The following CNOT4 variants were observed in gnomAD, a reference collection of about 807,000 sequenced individuals.
CNOT4 encodes CCR4-NOT transcription complex subunit 4.
CNOT4 carries 8 observed loss-of-function variants against 73.8 expected under a neutral mutation model. The ratio of observed to expected loss-of-function variants is 0.11; its 90% confidence interval spans 0.06 to 0.20. The LOEUF is 0.20. CNOT4 is among the 10% of genes least tolerant of loss of function. CNOT4 has a pLI of 1.00. For missense variants in CNOT4, 564 were observed against 883.4 expected (o/e 0.64, Z 4.58); for synonymous variants, 293 against 321.1 (o/e 0.91, Z 0.94).
At chr7:135,379,843 A>T (rs1017515215) in intron 10 of CNOT4, among the ~76,000 whole-genome samples, 1 of 152,228 alleles carries the variant, frequency 6.6e-6, no homozygotes, top group Admixed American at 6.5e-5. Flanking sequence ...GCCAACATAT[A>T]ACACGACAAT....
At position 135,439,482 on chromosome 7, in the gene CNOT4, T is replaced by C. The variant is rs556813501; in HGVS notation, c.-92-1059A>G. ...GCAAAGAAACTAAAGAATCTAGATA[T>C]AGCTGGGTACAGCAGCTCATGACTG... On this transcript the variant is annotated intron_variant, in intron 1 of 11. Coordinates refer to ENST00000541284, the MANE Select transcript of CNOT4 (RefSeq NM_001190850.2). Among the ~76,000 whole-genome samples, 5 of 152,312 alleles carry C rather than the reference T, an allele frequency of 3.3e-5. No individual in the cohort carries two copies. The South Asian group carries it at 8.3e-4, about 25-fold the overall frequency.
In CNOT4 at chr7:135,480,888, C is replaced by CAAA. The variant is rs202103531; in HGVS notation, c.-93+28998_-93+29000dup. Among the ~76,000 whole-genome samples, 148 of 75,816 alleles carry CAAA rather than the reference C, an allele frequency of 2.0e-3. 2 individuals carry two copies. Among genetic ancestry groups the CAAA allele is most frequent in the Admixed American group, 5.1e-3 (33 of 6,442 alleles). The allele number at this position is 75,816 out of a possible 152,430, so 49.7% of individuals were successfully genotyped here. The stretch of plus-strand genomic sequence containing the variant: ...GCTGGGAAAACTGGATATCTATATG[C>CAAA]AAAAAAAAAAAAAAAAATGAAACTG... On this transcript the variant is annotated intron_variant, in intron 1 of 11. Transcript: ENST00000541284.
intron 1 of CNOT4, among the ~76,000 whole-genome samples, chr7:135,501,114 A>G (rs548473746): frequency 1.1e-4 from 17 of 151,482 alleles, no homozygotes; most frequent in Admixed American, 9.2e-4. Flanking sequence ...CCTCCCAAGT[A>G]GCTGGGATTA....
chr7:135,410,785 T>A, intron 6 of CNOT4, 137 bp from the exon 7 acceptor site: 1 of 555,018 alleles, frequency 1.8e-6, no homozygotes, highest in Non-Finnish European at 2.4e-6. Flanking sequence ...TTAAATAAAT[T>A]TTAAATAAAT....
intron 3 of CNOT4, among the ~76,000 whole-genome samples, chr7:135,420,498 G>A (rs1279709120): frequency 6.8e-6 from 1 of 146,340 alleles, no homozygotes; most frequent in Non-Finnish European, 1.5e-5. Context: ...AATCACTTGA[G>A]CCCAGGAGGC....
chr7:135,486,622 T>C (rs1802738013), intron 1 of CNOT4, among the ~76,000 whole-genome samples: 1 of 152,258 alleles, frequency 6.6e-6, no homozygotes, highest in Non-Finnish European at 1.5e-5. Flanking sequence ...TAACAGCTTT[T>C]AGTTGAGCCA....
intron 1 of CNOT4, among the ~76,000 whole-genome samples, chr7:135,492,356 G>C (rs534860074): frequency 6.6e-6 from 1 of 152,244 alleles, no homozygotes; most frequent in African/African-American, 2.4e-5. Flanking sequence ...TAAGATTGAG[G>C]TTTTTGCCAA....
chr7:135,383,904 A>T (rs1382619304), intron 10 of CNOT4, among the ~76,000 whole-genome samples: 7 of 152,122 alleles, frequency 4.6e-5, no homozygotes, highest in African/African-American at 1.5e-4. Context: ...GTCTTCTTGA[A>T]TGTCTCTATG....
At chr7:135,380,468 TAA>T (rs1368281296) in intron 10 of CNOT4, among the ~76,000 whole-genome samples, 4 of 152,218 alleles carry the variant, frequency 2.6e-5, no homozygotes, top group African/African-American at 9.6e-5. Flanking sequence ...TTTCCCCTGC[TAA>T]AGTTACTCCA....
chr7:135,453,330 C>T (rs938153854), intron 1 of CNOT4, among the ~76,000 whole-genome samples: 1 of 152,010 alleles, frequency 6.6e-6, no homozygotes, highest in African/African-American at 2.4e-5. Context: ...AATGCAACCA[C>T]TTCTTTAGCC....
chr7:135,446,392 TTG>T (rs1175972056), intron 1 of CNOT4, among the ~76,000 whole-genome samples: 2 of 152,196 alleles, frequency 1.3e-5, no homozygotes, highest in African/African-American at 2.4e-5. Context: ...AACTGTACAT[TTG>T]AAAATGGTTA....
rs746893577 is a variant in CNOT4, at chr7:135,363,928, G to A, written c.1766C>T (p.Thr589Met). 2.5e-6 allele frequency: 4 copies of A among 1,598,452 alleles called. No individual in the cohort carries two copies. The highest frequency in any genetic ancestry group is 1.1e-5 in the South Asian group (1 of 91,044). The change falls in exon 11 of 12, where the codon ACG becomes ATG. Residue 589 changes from threonine to methionine, a missense_variant. Thr to Met is a moderately conservative substitution (Grantham distance 81, BLOSUM62 -1). Coordinates refer to ENST00000541284, the MANE Select transcript of CNOT4 (RefSeq NM_001190850.2). The surrounding 1 kb of genome is among the most constrained non-coding windows in gnomAD (Gnocchi z 4.3). Reference sequence around the variant, plus strand: ...GCTGTCGGTGGTGGCAGTGTTGGACGTTGGTGCACTGTGGTTGGCGTTGGA... The same window carrying A: ...GCTGTCGGTGGTGGCAGTGTTGGACATTGGTGCACTGTGGTTGGCGTTGGA... ...SPSNANHSAP[T>M]SNTATTDSLS...
Position 135,385,304 on chromosome 7 carries a change from G to A in CNOT4, c.1627+8614C>T, listed in dbSNP as rs1796064763. 2.0e-5 allele frequency among the ~76,000 whole-genome samples: 3 copies of A among 152,274 alleles called. No individual in the cohort carries two copies. In the South Asian group the frequency reaches 6.2e-4, roughly 32 times the overall value. ...TTACCAGTCCCTGAATACCTCAGCT[G>A]GATCTCCTTACTGCCCTATCCCAAC... is the stretch of plus-strand genomic sequence containing the variant. On this transcript the variant is annotated intron_variant, in intron 10 of 11. Coordinates refer to ENST00000541284, the MANE Select transcript of CNOT4 (RefSeq NM_001190850.2).
At chr7:135,378,026 G>A (rs1795614447) in intron 10 of CNOT4, among the ~76,000 whole-genome samples, 1 of 152,186 alleles carries the variant, frequency 6.6e-6, no homozygotes, top group Admixed American at 6.5e-5. Flanking sequence ...ATATTGTTGA[G>A]AAGTGTTAAG....
intron 10 of CNOT4, chr7:135,388,703 C>T (rs1796246760): frequency 2.0e-6 from 3 of 1,504,566 alleles, no homozygotes; most frequent in East Asian, 2.4e-5. Flanking sequence ...TGGGTGTATA[C>T]ATTAAAAGCA....
intron 3 of CNOT4, among the ~76,000 whole-genome samples, chr7:135,416,562 G>A (rs370396502): frequency 6.6e-6 from 1 of 152,154 alleles, no homozygotes; most frequent in East Asian, 1.9e-4. Flanking sequence ...AGAGAGAAGA[G>A]CAGAGTTTGA....
chr7:135,498,755 G>T (rs1047977464), intron 1 of CNOT4, among the ~76,000 whole-genome samples: 1 of 152,044 alleles, frequency 6.6e-6, no homozygotes, highest in African/African-American at 2.4e-5. Flanking sequence ...CACCATGTTG[G>T]CCAGGCTGGT....
At chr7:135,458,546 CCT>C (rs749988475) in intron 1 of CNOT4, among the ~76,000 whole-genome samples, 4 of 152,080 alleles carry the variant, frequency 2.6e-5, no homozygotes, top group Non-Finnish European at 5.9e-5. Flanking sequence ...CCACGTAGAA[CCT>C]CTTTCAAAAT....
chr7:135,394,232 T>A lies in CNOT4; in HGVS notation c.1313A>T (p.Asn438Ile), dbSNP rs1043577436. Residue 438 changes from asparagine to isoleucine, a missense_variant, in exon 10 of 12, where the codon AAC (asparagine) becomes ATC (isoleucine). This residue lies in a region of CNOT4 where 153 missense variants were observed against 158.7 expected (regional missense o/e 0.96). Transcript: ENST00000541284. The stretch of plus-strand genomic sequence containing the variant: ...GGCGGTTGTAGTGTGTGAAGAGGAG[T>A]TCTGAAGAGATGTGGGCGAAAGGGA... The part of the protein sequence containing the change: ...QPSLSPTSLQ[N>I]SSSHTTTAKG... 3 of 1,613,994 alleles carry A rather than the reference T, an allele frequency of 1.9e-6. No homozygotes were observed. The highest frequency in any genetic ancestry group is 1.6e-4 in the Middle Eastern group (1 of 6,062).
Sources: gnomAD v4.1 joint callset for allele counts (sites outside exome capture counted in the v4.1 genomes callset) on GRCh38, gnomAD v4.1.1 for gene constraint, gnomAD v4.1.1 regional missense constraint, Gnocchi (gnomAD v3.1) non-coding constraint, MANE v1.5 for transcripts, NCBI Gene and HGNC (gene_info 2026-07-23, HGNC 2026-07-21) for gene names.